The following ATXN2L variants were observed in gnomAD, a reference collection of about 807,000 sequenced individuals.
ATXN2L encodes the protein ataxin-2-like protein.
In ATXN2L, 24 loss-of-function variants were observed where a neutral mutation model predicts 120.7. That is an observed-to-expected ratio of 0.20 (90% CI 0.14 to 0.28). ATXN2L has a LOEUF of 0.28. Among genes scored for constraint, ATXN2L ranks in the 10% least tolerant of loss-of-function variants. The probability of loss-of-function intolerance (pLI) is 1.00; values close to 1 mark genes in which losing one functional copy is unlikely to be tolerated. For missense variants in ATXN2L, 1,312 were observed against 1,432.3 expected (o/e 0.92, Z 1.36); for synonymous variants, 653 against 568.1 (o/e 1.15, Z -2.13).
chr16:28,825,503 A>G, intron 2 of ATXN2L, 101 bp downstream of exon 2: 10 of 1,539,762 alleles, frequency 6.5e-6, no homozygotes, highest in South Asian at 3.4e-5. Context: ...TAATGTACTC[A>G]GGAGGGCTGT....
At chr16:28,831,151 C>A in intron 10 of ATXN2L, 79 bp downstream of exon 10, 2 of 976,534 alleles carry the variant, frequency 2.0e-6, no homozygotes, top group Non-Finnish European at 3.0e-6. Context: ...TGTTACAGTG[C>A]TGGAATGGGA....
Position 28,834,161 on chromosome 16 carries a change from C to T in ATXN2L, c.2122C>T (p.Pro708Ser), listed in dbSNP as rs776942843. 12 of 1,614,016 alleles carry T rather than the reference C, an allele frequency of 7.4e-6. No individual in the cohort carries two copies. The highest frequency in any genetic ancestry group is 1.6e-4 in the Middle Eastern group (1 of 6,084). ...LTAGQSGLYS[P>S]QYISYIPQIH... is the part of the protein sequence containing the mutation. The stretch of plus-strand genomic sequence containing the variant: ...AGCAGGCCAGAGTGGGCTATACAGC[C>T]CCCAGTACATCTCCTACATACCTCA... Residue 708 changes from proline (P) to serine (S), a missense_variant, in exon 16 of 22, where the codon CCC becomes TCC. By Grantham distance (74) the Pro-to-Ser change is moderately conservative. Coordinates refer to ENST00000336783, the MANE Select transcript of ATXN2L (RefSeq NM_007245.4).
In ATXN2L at chr16:28,835,960, G is replaced by T; in HGVS notation, c.2923G>T (p.Ala975Ser). Residue 975 changes from alanine to serine, a missense_variant, in exon 22 of 22, where the codon GCC (alanine) becomes TCC (serine). By Grantham distance (99) the Ala-to-Ser change is moderately conservative. Transcript: ENST00000336783. ...QAHVQTGITA[A>S]PPPHPGAPHP... ...CCATGTCCAAACTGGAATCACAGCA[G>T]CCCCGCCCCCTCACCCTGGGGCTCC... 1 of 1,541,748 alleles carries T rather than the reference G, an allele frequency of 6.5e-7. No homozygotes were observed. Among genetic ancestry groups the T allele is most frequent in the Non-Finnish European group, 8.7e-7 (1 of 1,144,730 alleles).
chr16:28,825,285 A>G (rs962747642), intron 1 of ATXN2L, 81 bp from the exon 2 acceptor site: 2 of 1,326,358 alleles, frequency 1.5e-6, no homozygotes, highest in Non-Finnish European at 2.2e-6. Flanking sequence ...GGTGGTATAT[A>G]CTTCTAGGAT....
intron 5 of ATXN2L, 44 bp from the exon 6 acceptor site, chr16:28,826,818 G>A (rs1221167469): frequency 6.7e-7 from 1 of 1,495,476 alleles, no homozygotes; most frequent in South Asian, 1.4e-5. Context: ...AAAGAAGTCT[G>A]TGAAATATAG....
rs549942765 is a variant in ATXN2L, at chr16:28,833,362, G to A, written c.1955+8G>A. The A allele has an allele frequency of 3.7e-6, 6 of 1,613,440 alleles. No homozygotes were observed. The highest frequency in any genetic ancestry group is 2.2e-5 in the East Asian group (1 of 44,870). ...TGAGGGCCCTGTTGCTGAGTGAGTG[G>A]AGCGGGGTGGGGCTCTGGGAGGATG... On this transcript the variant is annotated splice_region_variant and intron_variant, in intron 14 of 21. Transcript: ENST00000336783.
intron 10 of ATXN2L, among the ~76,000 whole-genome samples, chr16:28,831,750 G>A (rs1327184030): frequency 6.6e-6 from 1 of 152,156 alleles, no homozygotes. Context: ...TAGGCTTGAT[G>A]GCGTGCACCT....
intron 1 of ATXN2L, chr16:28,824,548 T>TAACG (rs1489372530): frequency 1.6e-6 from 2 of 1,286,444 alleles, no homozygotes; most frequent in Non-Finnish European, 2.0e-6. Context: ...GCAGAGTGGG[T>TAACG]AACGGGCTGA....
rs367619542 is a variant in ATXN2L at position 28,834,103 on chromosome 16, G to C, written c.2064G>C (p.Arg688=). 13 of 1,614,040 alleles carry C rather than the reference G, an allele frequency of 8.1e-6. No homozygotes were observed. The highest frequency in any genetic ancestry group is 1.1e-5 in the Non-Finnish European group (13 of 1,180,008). The change falls in exon 16 of 22, where the codon CGG becomes CGC. Residue 688 remains arginine (R), a synonymous_variant. Transcript: ENST00000336783. ...STSTPTSPGP[R]THSTPSIPVL... Reference sequence around the variant, plus strand: ...GTACCCCAACTTCTCCGGGGCCCCGGACTCATTCAACTCCCTCCATCCCGG... The same window carrying C: ...GTACCCCAACTTCTCCGGGGCCCCGCACTCATTCAACTCCCTCCATCCCGG...
rs1377320633 is a variant in ATXN2L, at chr16:28,832,804, T to C, written c.1589-13T>C. The stretch of plus-strand genomic sequence containing the variant: ...TGTTTTGTATTTTCTTCTTTTTGAC[T>C]GTTTTCTCATAGTCCCTGGTCTTCA... On this transcript the variant is annotated splice_polypyrimidine_tract_variant and intron_variant, in intron 12 of 21. Transcript: ENST00000336783. 3.7e-6 allele frequency: 6 copies of C among 1,613,622 alleles called. No homozygotes were observed. Among genetic ancestry groups the C allele is most frequent in the African/African-American group, 2.7e-5 (2 of 74,916 alleles).
Position 28,836,632 on chromosome 16 carries a change from A to G in ATXN2L, c.*367A>G. ...CACCTTGAGGAGGCCGCTCCTTCCC[A>G]GACACACCCCCACGCCCCCACTGGA... On this transcript the variant is annotated 3_prime_UTR_variant, in exon 22 of 22. Coordinates refer to ENST00000336783, the MANE Select transcript of ATXN2L (RefSeq NM_007245.4). 6.2e-7 allele frequency: 1 copy of G among 1,604,226 alleles called. No individual in the cohort carries two copies. Among genetic ancestry groups the G allele is most frequent in the East Asian group, 2.2e-5 (1 of 44,670 alleles).
intron 1 of ATXN2L, chr16:28,824,434 C>T (rs1247606558): frequency 7.0e-6 from 9 of 1,284,490 alleles, no homozygotes; most frequent in Non-Finnish European, 9.1e-6. Flanking sequence ...ATGGCTTTTG[C>T]GGCTGCGCTG....
intron 5 of ATXN2L, 122 bp from the exon 6 acceptor site, chr16:28,826,740 C>G: frequency 8.1e-7 from 1 of 1,241,798 alleles, no homozygotes; most frequent in Non-Finnish European, 1.1e-6. Flanking sequence ...CACACGGGCA[C>G]ACGTACTCTG....
Position 28,830,807 on chromosome 16 carries a change from CTT to C in ATXN2L, c.1210+19_1210+20del, listed in dbSNP as rs1333784168. On this transcript the variant is annotated intron_variant, in intron 9 of 21. Transcript: ENST00000336783. ...TCAATGGAGGTGAGTTATGAGGTGA[CTT>C]TGAGGAAGAGGGCAGGGAAGGGGAT... 3.8e-6 allele frequency: 6 copies of C among 1,575,870 alleles called. No homozygotes were observed. The highest frequency in any genetic ancestry group is 2.8e-5 in the African/African-American group (2 of 72,130).
At chr16:28,825,173 C>T (rs1236320119) in intron 1 of ATXN2L, among the ~76,000 whole-genome samples, 193 bp from the exon 2 acceptor site, 1 of 151,676 alleles carries the variant, frequency 6.6e-6, no homozygotes, top group East Asian at 1.9e-4. Context: ...ACTGAGATCA[C>T]GCCACTGCAC....
At chr16:28,828,462 CGTAATCCCAGCTACTCGT>C (rs1567408455) in intron 6 of ATXN2L, among the ~76,000 whole-genome samples, 1 of 151,784 alleles carries the variant, frequency 6.6e-6, no homozygotes, top group East Asian at 1.9e-4. Context: ...GGCACATGCC[CGTAATCCCAGCTACTCGT>C]GAGGTTGAGG....
chr16:28,831,112 A>G lies in ATXN2L; in HGVS notation c.1321+40A>G, dbSNP rs12597149. ...GTGTTGGATGAAGAAATGGATGGAA[A>G]TTTGTAAAGAGATGTAAATATGTCC... On this transcript the variant is annotated intron_variant, in intron 10 of 21. Transcript: ENST00000336783. 1.2e-3 allele frequency: 1,635 copies of G among 1,349,146 alleles called. 28 individuals carry two copies. The East Asian group carries it at 0.034, about 28-fold the overall frequency. 83.6% of individuals were successfully genotyped at this position (1,349,146 alleles called of 1,614,324 possible).
intron 13 of ATXN2L, 77 bp downstream of exon 13, chr16:28,832,964 T>C: frequency 6.3e-7 from 1 of 1,590,528 alleles, no homozygotes; most frequent in Non-Finnish European, 8.6e-7. Flanking sequence ...AAGGACTAGA[T>C]AGGAGTCAAA....
Position 28,832,497 on chromosome 16 carries a change from A to C in ATXN2L, c.1518A>C (p.Val506=), listed in dbSNP as rs1404001776. 2 of 1,614,124 alleles carry C rather than the reference A, an allele frequency of 1.2e-6. No homozygotes were observed. Among genetic ancestry groups the C allele is most frequent in the East Asian group, 2.2e-5 (1 of 44,880 alleles). Residue 506 remains valine, a splice_region_variant and synonymous_variant, in exon 12 of 22, where the codon GTA becomes GTC. Coordinates refer to ENST00000336783, the MANE Select transcript of ATXN2L (RefSeq NM_007245.4). Reference sequence around the variant, plus strand: ...AGGCATTTCTCTTTACTTGAACAGTAAAAGAACTCTCTACCAAGGAACCTG... The same window carrying C: ...AGGCATTTCTCTTTACTTGAACAGTCAAAGAACTCTCTACCAAGGAACCTG... ...SPKISLAPTD[V]KELSTKEPGR... is the part of the protein sequence containing the mutation.
Sources: allele counts gnomAD v4.1 joint callset (sites outside exome capture counted in the v4.1 genomes callset), GRCh38; gene constraint gnomAD v4.1.1; transcripts MANE v1.5; gene names NCBI Gene and HGNC (gene_info 2026-07-23, HGNC 2026-07-21).